Variants in SLC43A2 observed in about 807,000 individuals in gnomAD.
SLC43A2 encodes large neutral amino acids transporter small subunit 4.
Under a neutral mutation model 63.2 loss-of-function variants are expected in SLC43A2, and 38 were observed. The observed-to-expected ratio is 0.60, with a 90% confidence interval of 0.46 to 0.79. The LOEUF is 0.79. SLC43A2 is among the 30% of genes least tolerant of loss of function. The pLI is 0.00. For synonymous variants in SLC43A2, 322 were observed against 331.0 expected (o/e 0.97, Z 0.30); for missense variants, 644 against 756.2 (o/e 0.85, Z 1.74).
chr17:1,623,030 C>T (rs891110929), intron 2 of SLC43A2, among the ~76,000 whole-genome samples: 10 of 152,206 alleles, frequency 6.6e-5, no homozygotes, highest in South Asian at 2.1e-4. Context: ...CGCTTTAACC[C>T]GAGAGGCAGA....
chr17:1,608,546 A>G (rs1394706218), intron 5 of SLC43A2, among the ~76,000 whole-genome samples: 1 of 152,120 alleles, frequency 6.6e-6, no homozygotes. Context: ...GGAACATGCC[A>G]CCATCCCAGG....
At position 1,591,312 on chromosome 17, in the gene SLC43A2, C is replaced by T. The variant is rs1904754437; in HGVS notation, c.888G>A (p.Leu296=). The change falls in exon 8 of 14, where the codon CTG becomes CTA. Residue 296 remains leucine, a synonymous_variant. Coordinates refer to ENST00000301335, the MANE Select transcript of SLC43A2 (RefSeq NM_152346.3). ...VALQEGHKLC[L]STVDLEVKCQ... is the part of the protein sequence containing the mutation. ...ACTTCACCTCCAGGTCGACGGTGGA[C>T]AGGCACAGCTTGTGGCCCTCCTGCA... 1.2e-6 allele frequency: 2 copies of T among 1,607,886 alleles called. No homozygotes were observed. The highest frequency in any genetic ancestry group is 1.3e-5 in the African/African-American group (1 of 74,926).
intron 2 of SLC43A2, 62 bp downstream of exon 2, chr17:1,627,653 T>TG: frequency 2.1e-4 from 63 of 298,330 alleles, no homozygotes; most frequent in East Asian, 4.7e-4. Context: ...TTCGCCCCCA[T>TG]CCCGCCCCCT....
intron 2 of SLC43A2, among the ~76,000 whole-genome samples, chr17:1,624,402 T>C (rs1379410928): frequency 6.7e-6 from 1 of 148,998 alleles, no homozygotes; most frequent in African/African-American, 2.5e-5. Flanking sequence ...GATGAAACCC[T>C]CATCTCTACA....
chr17:1,600,152 A>ATATATATATATATATATATATTTTTT (rs1216616243), intron 5 of SLC43A2, among the ~76,000 whole-genome samples: 7 of 60,278 alleles, frequency 1.2e-4, no homozygotes, highest in Non-Finnish European at 1.9e-4. Flanking sequence ...ATATATATAT[A>ATATATATATATATATATATATTTTTT]TTTTTTTTTT....
At chr17:1,594,484 C>A (rs1268298090) in intron 5 of SLC43A2, among the ~76,000 whole-genome samples, 2 of 152,166 alleles carry the variant, frequency 1.3e-5, no homozygotes, top group Non-Finnish European at 2.9e-5. Context: ...GATAGCCATG[C>A]CAACCTATTT....
At chr17:1,623,072 C>T (rs1330438815) in intron 2 of SLC43A2, among the ~76,000 whole-genome samples, 4 of 152,226 alleles carry the variant, frequency 2.6e-5, no homozygotes, top group African/African-American at 7.2e-5. Context: ...CGCCACTGCA[C>T]TCCAGCCTGG....
At chr17:1,620,923 CCTGCTCTGCTCACCCCCGGCCAGG>C (rs1311129570) in intron 2 of SLC43A2, among the ~76,000 whole-genome samples, 1 of 152,086 alleles carries the variant, frequency 6.6e-6, no homozygotes, top group African/African-American at 2.4e-5. Flanking sequence ...CCCGGGCCAG[CCTGCTCTGCTCACCCCCGGCCAGG>C]CTGCTCTGCT....
rs1367024696 is a variant in SLC43A2 at position 1,606,576 on chromosome 17, G to C, written c.501+6619C>G. ...TGGCTACAGCTGCTCCCATCTCTAA[G>C]CAACCCAGGCTCCGGGTTGGAGGGT... On this transcript the variant is annotated intron_variant, in intron 5 of 13. Coordinates refer to ENST00000301335, the MANE Select transcript of SLC43A2 (RefSeq NM_152346.3). The surrounding 1 kb of genome is among the most constrained non-coding windows in gnomAD (Gnocchi z 4.7). 6.6e-6 allele frequency among the ~76,000 whole-genome samples: 1 copy of C among 152,182 alleles called. No individual in the cohort carries two copies. Among genetic ancestry groups the C allele is most frequent in the Non-Finnish European group, 1.5e-5 (1 of 68,024 alleles).
Position 1,575,486 on chromosome 17 carries a change from T to C in SLC43A2, c.*118A>G. On this transcript the variant is annotated 3_prime_UTR_variant, in exon 14 of 14. Transcript: ENST00000301335. The stretch of plus-strand genomic sequence containing the variant: ...CGAGGCAGGGCCCCGGGAGGGAGCG[T>C]GAACGCTGGCACGGAGACGGCGAAG... The C allele has an allele frequency of 7.3e-7, 1 of 1,366,154 alleles. No individual in the cohort carries two copies. Among genetic ancestry groups the C allele is most frequent in the Non-Finnish European group, 1.0e-6 (1 of 969,854 alleles). The allele number at this position is 1,366,154 out of a possible 1,614,324, so 84.6% of individuals were successfully genotyped here. A position where few individuals can be genotyped will look rare whatever the true frequency, so the allele number is the denominator to read the frequency against.
At chr17:1,611,043 T>C (rs1907053850) in intron 5 of SLC43A2, among the ~76,000 whole-genome samples, 2 of 151,940 alleles carry the variant, frequency 1.3e-5, no homozygotes, top group African/African-American at 4.8e-5. Context: ...GGTTTCACTA[T>C]CTTGGGCCAG....
intron 11 of SLC43A2, among the ~76,000 whole-genome samples, chr17:1,581,954 G>GCA (rs1567611288): frequency 1.3e-5 from 2 of 151,388 alleles, no homozygotes; most frequent in Admixed American, 1.3e-4. Context: ...TTACAGGCAT[G>GCA]TGCCACCACG....
In SLC43A2 at chr17:1,616,781, G is replaced by A. The variant is rs1345018221; in HGVS notation, c.161-12C>T. The A allele has an allele frequency of 1.2e-6, 2 of 1,613,176 alleles. No individual in the cohort carries two copies. The highest frequency in any genetic ancestry group is 2.2e-5 in the East Asian group (1 of 44,876). On this transcript the variant is annotated splice_polypyrimidine_tract_variant and intron_variant, in intron 2 of 13. Transcript: ENST00000301335. The stretch of plus-strand genomic sequence containing the variant: ...ATTGGTGACATTCTCTGTGTGAAGA[G>A]GGAAGGAAACCCTGACCTCAGGGTC...
At chr17:1,591,139 C>T in intron 8 of SLC43A2, 130 bp downstream of exon 8, 3 of 1,330,224 alleles carry the variant, frequency 2.3e-6, no homozygotes, top group South Asian at 2.8e-5. Context: ...TCCCCCAGGC[C>T]TTCCTGAGCG....
At chr17:1,580,386 A>C (rs1348229041) in intron 11 of SLC43A2, among the ~76,000 whole-genome samples, 1 of 152,230 alleles carries the variant, frequency 6.6e-6, no homozygotes, top group Non-Finnish European at 1.5e-5. Flanking sequence ...GTATGGGCAC[A>C]GCACTGAGCA....
Position 1,593,089 on chromosome 17 carries a change from C to T in SLC43A2, c.594+98G>A, listed in dbSNP as rs1190208702. On this transcript the variant is annotated intron_variant, in intron 6 of 13. Coordinates refer to ENST00000301335, the MANE Select transcript of SLC43A2 (RefSeq NM_152346.3). The surrounding 1 kb of genome is among the most constrained non-coding windows in gnomAD (Gnocchi z 5.3). ...CCGGGTGGGGGTGGTGGAGAGGGGCCACCCCGGGTGCCCACAATTGCCTCC... is the reference window on the plus strand; with the variant it reads ...CCGGGTGGGGGTGGTGGAGAGGGGCTACCCCGGGTGCCCACAATTGCCTCC... 1.7e-6 allele frequency: 2 copies of T among 1,196,412 alleles called. No individual in the cohort carries two copies. The highest frequency in any genetic ancestry group is 2.4e-6 in the Non-Finnish European group (2 of 827,670). The allele number at this position is 1,196,412 out of a possible 1,614,324, so 74.1% of individuals were successfully genotyped here.
rs545430212 is a variant in SLC43A2 at position 1,590,914 on chromosome 17, G to A, written c.966C>T (p.Pro322=). ...TGGTGACCAGGCTGAGCAGCAGGAT[G>A]GGGCTGAACACGCTGTGCATGAAGG... The part of the protein sequence containing the change: ...APSFMHSVFS[P]ILLLSLVTMC... The change falls in exon 9 of 14, where the codon CCC becomes CCT. Residue 322 remains proline (P), a synonymous_variant. Transcript: ENST00000301335. The A allele has an allele frequency of 3.9e-5, 60 of 1,551,840 alleles. 2 individuals carry two copies. The South Asian group carries it at 7.0e-4, about 18-fold the overall frequency.
chr17:1,628,899 T>G (rs1908945076), upstream of SLC43A2: 1 of 151,992 alleles, frequency 6.6e-6, no homozygotes, highest in Admixed American at 6.6e-5. Context: ...GCCCGCTGAT[T>G]GGCTGAGCGG....
chr17:1,585,162 G>C, intron 10 of SLC43A2: 8 of 988,710 alleles, frequency 8.1e-6, no homozygotes, highest in Non-Finnish European at 9.6e-6. Context: ...GGTGGTCTTA[G>C]GAGCAAAATG....
Sources: gnomAD v4.1 joint callset for allele counts (sites outside exome capture counted in the v4.1 genomes callset) on GRCh38, gnomAD v4.1.1 for gene constraint, Gnocchi (gnomAD v3.1) non-coding constraint, MANE v1.5 for transcripts, NCBI Gene and HGNC (gene_info 2026-07-23, HGNC 2026-07-21) for gene names.